Variants in STYX observed in about 807,000 individuals in gnomAD.
STYX encodes serine/threonine/tyrosine-interacting protein.
Under a neutral mutation model 42.7 loss-of-function variants are expected in STYX, and 20 were observed. That is an observed-to-expected ratio of 0.47 (90% CI 0.33 to 0.68). The LOEUF is 0.68. STYX is among the 30% of genes least tolerant of loss of function. STYX has a pLI of 0.02. For synonymous variants in STYX, 78 were observed against 81.9 expected, an observed-to-expected ratio of 0.95 and a Z score of 0.26; for missense variants, 226 against 268.5, an observed-to-expected ratio of 0.84 and a Z score of 1.11.
At chr14:52,748,424 C>G (rs1218978155) in intron 3 of STYX, among the ~76,000 whole-genome samples, 3 of 152,166 alleles carry the variant, frequency 2.0e-5, no homozygotes, top group Non-Finnish European at 4.4e-5. Context: ...GAGATGGAGT[C>G]TGGCTATGCT....
chr14:52,760,376 C>T (rs978585192), intron 9 of STYX, among the ~76,000 whole-genome samples: 1 of 152,108 alleles, frequency 6.6e-6, no homozygotes, highest in Non-Finnish European at 1.5e-5. Context: ...AGTATACTAA[C>T]TATAACAGCT....
At position 52,774,566 on chromosome 14, in the gene STYX, G is replaced by A. The variant is rs1458138992; in HGVS notation, c.*3460G>A. ...TTTTTTTAATTGATTAGAAAAGTAA[G>A]TCTCTAGGGTCTTTGAATGCTGGAA... On this transcript the variant is annotated 3_prime_UTR_variant, in exon 11 of 11. Coordinates refer to ENST00000354586, the MANE Select transcript of STYX (RefSeq NM_145251.4). 1.3e-5 allele frequency: 2 copies of A among 149,692 alleles called. No homozygotes were observed. Among genetic ancestry groups the A allele is most frequent in the African/African-American group, 4.9e-5 (2 of 40,726 alleles). The allele number at this position is 149,692 out of a possible 1,614,324, so 9.3% of individuals were successfully genotyped here. A position where few individuals can be genotyped will look rare whatever the true frequency, so the allele number is the denominator to read the frequency against.
At chr14:52,732,022 G>A (rs549972916) in intron 1 of STYX, among the ~76,000 whole-genome samples, 5 of 145,558 alleles carry the variant, frequency 3.4e-5, no homozygotes, top group Non-Finnish European at 6.0e-5. Context: ...AGATCCTCCC[G>A]CCTTGTCCTC....
intron 4 of STYX, among the ~76,000 whole-genome samples, chr14:52,755,855 A>C (rs1360130798): frequency 1.3e-5 from 2 of 152,136 alleles, no homozygotes; most frequent in Non-Finnish European, 2.9e-5. Context: ...AGGACCACTT[A>C]GAGAACAATC....
intron 4 of STYX, among the ~76,000 whole-genome samples, chr14:52,756,037 G>C (rs1265480715): frequency 2.6e-5 from 4 of 151,890 alleles, no homozygotes; most frequent in Non-Finnish European, 4.4e-5. Context: ...ATTTATTTTT[G>C]AGATAAGAAT....
intron 9 of STYX, among the ~76,000 whole-genome samples, chr14:52,761,970 G>T (rs755706157): frequency 1.3e-5 from 2 of 151,428 alleles, no homozygotes; most frequent in Admixed American, 6.6e-5. Flanking sequence ...GCTTGAACTC[G>T]GGAGGCGGAG....
At chr14:52,770,717 A>G (rs1882478872) in intron 10 of STYX, among the ~76,000 whole-genome samples, 1 of 152,116 alleles carries the variant, frequency 6.6e-6, no homozygotes, top group South Asian at 2.1e-4. Flanking sequence ...TGCCTAAAAA[A>G]CAATTAACTT....
chr14:52,750,853 C>G (rs1881584033), intron 4 of STYX, 73 bp downstream of exon 4: 4 of 979,580 alleles, frequency 4.1e-6, no homozygotes, highest in Non-Finnish European at 6.1e-6. Context: ...TCAGTTGTTT[C>G]TGTACATATC....
rs1257858671 is a variant in STYX at position 52,772,975 on chromosome 14, CT to C, written c.*1872del. 9 of 152,042 alleles carry C rather than the reference CT, an allele frequency of 5.9e-5. No individual in the cohort carries two copies. Among genetic ancestry groups the C allele is most frequent in the African/African-American group, 1.7e-4 (7 of 41,402 alleles). 9.4% of individuals were successfully genotyped at this position (152,042 alleles called of 1,614,324 possible). A position where few individuals can be genotyped will look rare whatever the true frequency, so the allele number is the denominator to read the frequency against. ...TTGATAAAAGTTCCAGATAACACAG[CT>C]TTCCTGTATATAGATCACTATTGGG... On this transcript the variant is annotated 3_prime_UTR_variant, in exon 11 of 11. Transcript: ENST00000354586.
At chr14:52,747,601 TC>T (rs773908803) in intron 3 of STYX, among the ~76,000 whole-genome samples, 2 of 152,258 alleles carry the variant, frequency 1.3e-5, no homozygotes, top group African/African-American at 2.4e-5. Flanking sequence ...AAGGTTATTG[TC>T]CATATAATTT....
intron 4 of STYX, among the ~76,000 whole-genome samples, chr14:52,755,515 T>C (rs1443944117): frequency 6.6e-6 from 1 of 152,202 alleles, no homozygotes; most frequent in Non-Finnish European, 1.5e-5. Context: ...AAAATTGTTC[T>C]TAAAACTAAT....
chr14:52,739,741 G>A (rs187571682), intron 1 of STYX, among the ~76,000 whole-genome samples: 3 of 138,500 alleles, frequency 2.2e-5, no homozygotes, highest in Non-Finnish European at 3.1e-5. Flanking sequence ...TCCCAAGCCC[G>A]AGTGATCTTC....
chr14:52,766,447 C>T (rs953990684), intron 9 of STYX, among the ~76,000 whole-genome samples: 2 of 151,916 alleles, frequency 1.3e-5, no homozygotes, highest in African/African-American at 4.8e-5. Flanking sequence ...GGGATTACGA[C>T]GTGAGACCAC....
At position 52,750,679 on chromosome 14, in the gene STYX, A is replaced by G. The variant is rs1239962559; in HGVS notation, c.145-4A>G. 1 of 1,535,264 alleles carries G rather than the reference A, an allele frequency of 6.5e-7. No individual in the cohort carries two copies. The highest frequency in any genetic ancestry group is 8.8e-7 in the Non-Finnish European group (1 of 1,141,624). On this transcript the variant is annotated splice_region_variant and splice_polypyrimidine_tract_variant and intron_variant, in intron 3 of 10. Transcript: ENST00000354586. The stretch of plus-strand genomic sequence containing the variant: ...GTCCTCCCCCTGCTTTTTTTTTTAT[A>G]CAGCTACCTGTACTACAGAAACATG...
chr14:52,733,525 G>A (rs182295267), intron 1 of STYX, among the ~76,000 whole-genome samples: 15 of 152,284 alleles, frequency 9.9e-5, no homozygotes, highest in Non-Finnish European at 1.8e-4. Flanking sequence ...CAAGTAGTAG[G>A]TTGTCACCTA....
intron 1 of STYX, among the ~76,000 whole-genome samples, chr14:52,741,230 A>ATTT (rs61593961): frequency 1.9e-3 from 264 of 140,278 alleles, no homozygotes; most frequent in Middle Eastern, 3.7e-3. Flanking sequence ...ATATATATAT[A>ATTT]TTTTTTTTTT....
chr14:52,771,210 A>C lies in STYX; in HGVS notation c.*104A>C. On this transcript the variant is annotated 3_prime_UTR_variant, in exon 11 of 11. Transcript: ENST00000354586. ...TAAAAACATAAGTAGTTTTTTTTTC[A>C]ATTACATGTTGCTTCCAGACATACT... The C allele has an allele frequency of 2.9e-6, 3 of 1,046,206 alleles. No individual in the cohort carries two copies. The highest frequency in any genetic ancestry group is 4.1e-6 in the Non-Finnish European group (3 of 724,720). The allele number at this position is 1,046,206 out of a possible 1,614,324, so 64.8% of individuals were successfully genotyped here.
At chr14:52,750,060 C>A (rs374952534) in intron 3 of STYX, among the ~76,000 whole-genome samples, 87 of 152,230 alleles carry the variant, frequency 5.7e-4, no homozygotes, top group African/African-American at 1.9e-3. Context: ...TCTGGTCCTA[C>A]CTTGGGACCA....
chr14:52,733,962 C>T (rs1025560141), intron 1 of STYX, among the ~76,000 whole-genome samples: 11 of 152,178 alleles, frequency 7.2e-5, no homozygotes, highest in African/African-American at 2.7e-4. Flanking sequence ...TAGAACTTTC[C>T]CATTGGCCAT....
Sources: gnomAD v4.1 joint callset for allele counts (sites outside exome capture counted in the v4.1 genomes callset) on GRCh38, gnomAD v4.1.1 for gene constraint, MANE v1.5 for transcripts, NCBI Gene and HGNC (gene_info 2026-07-23, HGNC 2026-07-21) for gene names.